RSPO2: variants seen among roughly 807,000 people sequenced by gnomAD.
The protein encoded by RSPO2 is R-spondin 2.
A neutral mutation model predicts 30.9 loss-of-function variants in RSPO2; 14 were observed. The observed-to-expected ratio is 0.45, with a 90% CI of 0.30 to 0.71. The LOEUF (loss-of-function observed/expected upper bound fraction) is 0.71, where lower values mean the gene tolerates loss of function less well. RSPO2 is among the 30% of genes least tolerant of loss of function. RSPO2 has a pLI of 0.08. For missense variants in RSPO2, 264 were observed against 301.9 expected, an observed-to-expected ratio of 0.87 and a Z score of 0.93; for synonymous variants, 107 against 96.4, an observed-to-expected ratio of 1.11 and a Z score of -0.64.
chr8:107,941,432 A>C (rs955097359), intron 5 of RSPO2, among the ~76,000 whole-genome samples: 14 of 152,156 alleles, frequency 9.2e-5, no homozygotes, highest in Admixed American at 9.2e-4. Flanking sequence ...GCAAAATGTA[A>C]ATTCTAACGT....
At chr8:108,076,760 A>G (rs1263326573) in intron 2 of RSPO2, among the ~76,000 whole-genome samples, 1 of 151,126 alleles carries the variant, frequency 6.6e-6, no homozygotes, top group Non-Finnish European at 1.5e-5. Context: ...AAGCTGAAAG[A>G]AAAAAAAAGA....
intron 2 of RSPO2, among the ~76,000 whole-genome samples, chr8:108,011,195 AAAAGGAAAAGGAAAGG>A (rs1248253449): frequency 2.0e-5 from 3 of 150,156 alleles, no homozygotes; most frequent in Non-Finnish European, 2.9e-5. Flanking sequence ...AAGGAAAGGG[AAAAGGAAAAGGAAAGG>A]AAAGGAAAAG....
intron 2 of RSPO2, among the ~76,000 whole-genome samples, chr8:108,026,775 A>T (rs1811232967): frequency 6.6e-6 from 1 of 152,090 alleles, no homozygotes; most frequent in Admixed American, 6.6e-5. Flanking sequence ...CTGAGGCAGG[A>T]GAATCGCTTG....
intron 3 of RSPO2, among the ~76,000 whole-genome samples, chr8:107,968,571 A>AAAATAGAAG (rs1813892237): frequency 6.6e-6 from 1 of 152,096 alleles, no homozygotes; most frequent in Non-Finnish European, 1.5e-5. Flanking sequence ...TATATATTTC[A>AAAATAGAAG]AAATAGAAGA....
At chr8:107,912,360 C>T (rs979140385) in intron 5 of RSPO2, among the ~76,000 whole-genome samples, 2 of 152,112 alleles carry the variant, frequency 1.3e-5, no homozygotes, top group African/African-American at 4.8e-5. Flanking sequence ...GTGTGCAAAC[C>T]TCTTTCTGCC....
At chr8:108,033,431 A>G (rs140232808) in intron 2 of RSPO2, among the ~76,000 whole-genome samples, 2 of 152,124 alleles carry the variant, frequency 1.3e-5, no homozygotes, top group African/African-American at 4.8e-5. Flanking sequence ...CCTCTAAGCC[A>G]CTGATCTTCT....
chr8:107,997,986 A>G (rs1288220285), intron 2 of RSPO2, among the ~76,000 whole-genome samples: 1 of 152,192 alleles, frequency 6.6e-6, no homozygotes, highest in Non-Finnish European at 1.5e-5. Flanking sequence ...ATCCATCCTG[A>G]CAAAGGTACA....
intron 2 of RSPO2, among the ~76,000 whole-genome samples, chr8:107,997,904 A>G (rs1398801522): frequency 3.3e-5 from 5 of 152,168 alleles, no homozygotes; most frequent in African/African-American, 9.7e-5. Flanking sequence ...CTTTTAAAAA[A>G]ATGTGTTCCG....
chr8:108,057,628 G>T (rs1176971807), intron 2 of RSPO2, among the ~76,000 whole-genome samples: 1 of 151,820 alleles, frequency 6.6e-6, no homozygotes, highest in Admixed American at 6.6e-5. Context: ...GACATCAATG[G>T]CTGACCCCAA....
At chr8:108,009,791 T>C (rs1318522555) in intron 2 of RSPO2, among the ~76,000 whole-genome samples, 1 of 152,180 alleles carries the variant, frequency 6.6e-6, no homozygotes, top group Non-Finnish European at 1.5e-5. Context: ...GGCTCACACC[T>C]GTAATTCCAG....
At chr8:107,915,823 C>T (rs1195305847) in intron 5 of RSPO2, among the ~76,000 whole-genome samples, 2 of 152,102 alleles carry the variant, frequency 1.3e-5, no homozygotes, top group East Asian at 1.9e-4. Flanking sequence ...GGTTCCCCTG[C>T]GGCCTATTGG....
At chr8:107,968,008 C>T (rs1813869264) in intron 3 of RSPO2, among the ~76,000 whole-genome samples, 1 of 152,040 alleles carries the variant, frequency 6.6e-6, no homozygotes, top group African/African-American at 2.4e-5. Context: ...CAGCACAGTA[C>T]CTGCTGTGTA....
chr8:107,980,490 T>C (rs1476340310), intron 3 of RSPO2, among the ~76,000 whole-genome samples: 1 of 152,226 alleles, frequency 6.6e-6, no homozygotes, highest in Non-Finnish European at 1.5e-5. Flanking sequence ...CCCTTATTCA[T>C]GTGCTGGTTT....
At chr8:108,028,811 G>A (rs969524260) in intron 2 of RSPO2, among the ~76,000 whole-genome samples, 12 of 152,108 alleles carry the variant, frequency 7.9e-5, no homozygotes, top group African/African-American at 2.9e-4. Flanking sequence ...CATAACTTGG[G>A]CAAGTGAGAG....
chr8:108,006,842 T>C (rs1474114547), intron 2 of RSPO2, among the ~76,000 whole-genome samples: 2 of 152,226 alleles, frequency 1.3e-5, no homozygotes, highest in African/African-American at 4.8e-5. Context: ...ACATTTATAT[T>C]TGTCTATATC....
chr8:108,013,260 A>AT (rs11374867), intron 2 of RSPO2, among the ~76,000 whole-genome samples: 26,638 of 152,068 alleles, frequency 0.18, 2,900 homozygotes, highest in Middle Eastern at 0.28. Flanking sequence ...TTCTTTTTCT[A>AT]TTTTTGGTTG....
chr8:108,028,548 T>C (rs1204068612), intron 2 of RSPO2, among the ~76,000 whole-genome samples: 2 of 152,158 alleles, frequency 1.3e-5, no homozygotes, highest in Non-Finnish European at 2.9e-5. Flanking sequence ...GAGAGTTCTC[T>C]GTGTGGGAAC....
intron 2 of RSPO2, among the ~76,000 whole-genome samples, chr8:108,060,331 G>C (rs370027271): frequency 2.6e-5 from 4 of 151,906 alleles, no homozygotes; most frequent in African/African-American, 9.7e-5. Flanking sequence ...ACATAGAGAA[G>C]TCCTTAAATG....
At chr8:108,082,125 G>A (rs899380639) in intron 2 of RSPO2, among the ~76,000 whole-genome samples, 1 of 152,108 alleles carries the variant, frequency 6.6e-6, no homozygotes, top group Non-Finnish European at 1.5e-5. Context: ...GCACGTGGAT[G>A]GGGAAGATAA....
Sources: gnomAD v4.1 joint callset for allele counts (sites outside exome capture counted in the v4.1 genomes callset) on GRCh38, gnomAD v4.1.1 for gene constraint, MANE v1.5 for transcripts, NCBI Gene and HGNC (gene_info 2026-07-23, HGNC 2026-07-21) for gene names.